Variants in PCMT1 observed in about 807,000 individuals in gnomAD.
PCMT1 encodes the protein protein-L-isoaspartate (D-aspartate) O-methyltransferase.
In PCMT1, 9 loss-of-function variants were observed where a neutral mutation model predicts 29.2. The observed-to-expected ratio is 0.31, with a 90% CI of 0.19 to 0.54. The LOEUF (loss-of-function observed/expected upper bound fraction) is 0.54. Ranked by LOEUF, PCMT1 falls within the 20% of genes least tolerant of loss-of-function variation. The probability of loss-of-function intolerance (pLI) is 0.95; values close to 1 mark genes in which losing one functional copy is unlikely to be tolerated. For synonymous variants in PCMT1, 98 were observed against 97.5 expected, an observed-to-expected ratio of 1.00 and a Z score of -0.03; for missense variants, 184 against 282.2, an observed-to-expected ratio of 0.65 and a Z score of 2.49.
chr6:149,776,099 C>T (rs1043322675), intron 3 of PCMT1, among the ~76,000 whole-genome samples: 3 of 152,080 alleles, frequency 2.0e-5, no homozygotes, highest in Admixed American at 6.6e-5. Flanking sequence ...GCAGAGGTTG[C>T]GTTGAGCTGA....
intron 7 of PCMT1, among the ~76,000 whole-genome samples, chr6:149,809,547 A>G: frequency 6.6e-6 from 1 of 152,148 alleles, no homozygotes. Flanking sequence ...GATTTTAAAA[A>G]TATTTTCTTG....
Position 149,756,512 on chromosome 6 carries a change from C to CTATTTTTT in PCMT1, c.55+6557_55+6558insATTTTTTT, listed in dbSNP as rs1407016123. 9.4e-5 allele frequency among the ~76,000 whole-genome samples: 7 copies of CTATTTTTT among 74,724 alleles called. 2 individuals carry two copies. Among genetic ancestry groups the CTATTTTTT allele is most frequent in the African/African-American group, 3.2e-4 (6 of 18,634 alleles). The allele number at this position is 74,724 out of a possible 152,430, so 49.0% of individuals were successfully genotyped here. A position where few individuals can be genotyped will look rare whatever the true frequency, so the allele number is the denominator to read the frequency against. ...TACAGATGCACACCACCATGACTGG[C>CTATTTTTT]TTTTTTTTTTTTTTTTTTTTTTTTT... On this transcript the variant is annotated intron_variant, in intron 1 of 7. Transcript: ENST00000464889.
intron 1 of PCMT1, among the ~76,000 whole-genome samples, chr6:149,761,954 G>T (rs1786759052): frequency 6.6e-6 from 1 of 152,058 alleles, no homozygotes; most frequent in African/African-American, 2.4e-5. Context: ...CTTGCCCTTT[G>T]TTTCCTATAT....
In PCMT1 at chr6:149,782,815, CAGA is replaced by C. The variant is rs1340001455; in HGVS notation, c.193-7134_193-7132del. On this transcript the variant is annotated intron_variant, in intron 3 of 7. Coordinates refer to ENST00000464889, the MANE Select transcript of PCMT1 (RefSeq NM_001360452.2). ...GCGAAAATGATTTTTTTCAGAAAAA[CAGA>C]AGAATGTTAATGAATAAATGTGGAA... 2.0e-5 allele frequency among the ~76,000 whole-genome samples: 3 copies of C among 150,950 alleles called. No individual in the cohort carries two copies. In the East Asian group the frequency reaches 5.8e-4, roughly 29 times the overall value.
chr6:149,807,877 T>C (rs1170843016), intron 7 of PCMT1, among the ~76,000 whole-genome samples: 1 of 152,242 alleles, frequency 6.6e-6, no homozygotes, highest in Admixed American at 6.5e-5. Context: ...ATTGATCCCG[T>C]GTTCCATATT....
rs182955400 is a variant in PCMT1 at position 149,787,626 on chromosome 6, G to A, written c.193-2328G>A. 1.5e-3 allele frequency among the ~76,000 whole-genome samples: 232 copies of A among 152,168 alleles called. 1 individual carries two copies. Among genetic ancestry groups the A allele is most frequent in the African/African-American group, 5.3e-3 (218 of 41,516 alleles). The stretch of plus-strand genomic sequence containing the variant: ...CATCTGCCCGCCTCGGCCTCTCAAA[G>A]TGCTGGGATTACAGGTGTGAGCCAC... On this transcript the variant is annotated intron_variant, in intron 3 of 7. Coordinates refer to ENST00000464889, the MANE Select transcript of PCMT1 (RefSeq NM_001360452.2).
chr6:149,750,371 C>G (rs972036453), intron 1 of PCMT1: 1 of 181,194 alleles, frequency 5.5e-6, no homozygotes, highest in South Asian at 1.7e-4. Context: ...CACCCTCGTC[C>G]CCTGCATTTT....
At chr6:149,787,321 A>AGGGAGC (rs1029052408) in intron 3 of PCMT1, among the ~76,000 whole-genome samples, 93 of 138,096 alleles carry the variant, frequency 6.7e-4, no homozygotes, top group Non-Finnish European at 9.3e-4. Context: ...GGAGAGGGAG[A>AGGGAGC]GGGAGCGGGA....
intron 6 of PCMT1, among the ~76,000 whole-genome samples, chr6:149,800,568 A>G (rs959066611): frequency 3.0e-4 from 46 of 152,206 alleles, no homozygotes; most frequent in African/African-American, 1.0e-3. Context: ...GTAAAGCTAT[A>G]TGAAAATGGT....
chr6:149,749,763 CG>C lies in PCMT1; in HGVS notation c.-137del, dbSNP rs1419791882. ...CGCGCAGTGGCGGCAGCGGCGGCGA[CG>C]GCAGTAACAGCGGCAGCTACAGCGG... is the stretch of plus-strand genomic sequence containing the variant. On this transcript the variant is annotated 5_prime_UTR_variant, in exon 1 of 8. Transcript: ENST00000464889. 3 of 1,546,910 alleles carry C rather than the reference CG, an allele frequency of 1.9e-6. No individual in the cohort carries two copies. The highest frequency in any genetic ancestry group is 2.7e-5 in the African/African-American group (2 of 72,890).
intron 3 of PCMT1, among the ~76,000 whole-genome samples, chr6:149,788,775 T>C (rs921705212): frequency 5.9e-5 from 9 of 152,240 alleles, no homozygotes; most frequent in Non-Finnish European, 1.2e-4. Context: ...CCTTTGAGAT[T>C]ATGTAAATAT....
chr6:149,771,305 ATTTAC>A (rs1026355019), intron 2 of PCMT1, 39 bp downstream of exon 2: 3 of 1,230,854 alleles, frequency 2.4e-6, no homozygotes, highest in Non-Finnish European at 2.4e-6. Context: ...AGTTTTCATC[ATTTAC>A]TTTATGATTT....
chr6:149,809,795 A>T (rs890273463), intron 7 of PCMT1, among the ~76,000 whole-genome samples: 3 of 152,068 alleles, frequency 2.0e-5, no homozygotes, highest in African/African-American at 7.2e-5. Flanking sequence ...CCCTCTTTCT[A>T]TATATACATA....
At chr6:149,773,203 A>T (rs755920705) in intron 3 of PCMT1, 34 bp downstream of exon 3, 1 of 1,534,894 alleles carries the variant, frequency 6.5e-7, no homozygotes, top group Non-Finnish European at 9.0e-7. Flanking sequence ...TTACAAATGG[A>T]TTACATTTTT....
chr6:149,763,853 G>C (rs1050816788), intron 1 of PCMT1, among the ~76,000 whole-genome samples: 2 of 152,142 alleles, frequency 1.3e-5, no homozygotes, highest in African/African-American at 4.8e-5. Flanking sequence ...TGGTTGACTA[G>C]ATAGAAATTC....
At chr6:149,773,395 T>C (rs1476570260) in intron 3 of PCMT1, among the ~76,000 whole-genome samples, 2 of 146,652 alleles carry the variant, frequency 1.4e-5, no homozygotes, top group African/African-American at 5.3e-5. Flanking sequence ...TGTTTTGTTT[T>C]TGAGATGGAG....
chr6:149,809,586 A>G (rs1448885236), intron 7 of PCMT1, among the ~76,000 whole-genome samples: 1 of 152,168 alleles, frequency 6.6e-6, no homozygotes, highest in Non-Finnish European at 1.5e-5. Context: ...GTTTAAAAAA[A>G]TTGTCCAGTA....
chr6:149,789,066 A>ATTTTTTTTTT (rs56661461), intron 3 of PCMT1, among the ~76,000 whole-genome samples: 3 of 90,476 alleles, frequency 3.3e-5, no homozygotes, highest in African/African-American at 9.8e-5. Context: ...ATTGGATCTG[A>ATTTTTTTTTT]TTTTTTTTTT....
chr6:149,753,061 T>C (rs1786386380), intron 1 of PCMT1, among the ~76,000 whole-genome samples: 1 of 152,204 alleles, frequency 6.6e-6, no homozygotes, highest in African/African-American at 2.4e-5. Context: ...GTAACACTTG[T>C]GCAACTTTAG....
Sources: allele counts gnomAD v4.1 joint callset (sites outside exome capture counted in the v4.1 genomes callset), GRCh38; gene constraint gnomAD v4.1.1; transcripts MANE v1.5; gene names NCBI Gene and HGNC (gene_info 2026-07-23, HGNC 2026-07-21).